The following PAN2 variants were observed in gnomAD, a reference collection of about 807,000 sequenced individuals.
The protein encoded by PAN2 is PAN2-PAN3 deadenylation complex catalytic subunit PAN2.
Under a neutral mutation model 133.3 loss-of-function variants are expected in PAN2, and 68 were observed. The ratio of observed to expected loss-of-function variants is 0.51; its 90% CI spans 0.42 to 0.62. PAN2 has a LOEUF of 0.62. Ranked by LOEUF, PAN2 falls within the 20% of genes least tolerant of loss-of-function variation. PAN2 has a pLI of 0.00. For missense variants in PAN2, 1,042 were observed against 1,500.5 expected (o/e 0.69, Z 5.05); for synonymous variants, 462 against 544.6 (o/e 0.85, Z 2.11).
chr12:56,327,037 C>G, intron 6 of PAN2, 78 bp from the exon 7 acceptor site: 1 of 1,242,200 alleles, frequency 8.1e-7, no homozygotes. Context: ...TATCCTCTTC[C>G]CCTGATTTCA....
Position 56,332,938 on chromosome 12 carries a change from C to T in PAN2, c.157G>A (p.Glu53Lys), listed in dbSNP as rs768859348. 1.2e-6 allele frequency: 2 copies of T among 1,614,196 alleles called. No individual in the cohort carries two copies. The highest frequency in any genetic ancestry group is 1.3e-5 in the African/African-American group (1 of 75,048). ...GVALEALPVQ[E>K]SVHIMEGVYS... Reference sequence around the variant, plus strand: ...ACACCTTCCATTATGTGCACTGATTCCTGGACGGGAAGAGCCTCCAAGGCC... The same window carrying T: ...ACACCTTCCATTATGTGCACTGATTTCTGGACGGGAAGAGCCTCCAAGGCC... The change falls in exon 2 of 26, where the codon GAA (glutamate) becomes AAA (lysine). Residue 53 changes from glutamate (E) to lysine (K), a missense_variant. By Grantham distance (56) the Glu-to-Lys change is moderately conservative. Coordinates refer to ENST00000440411, the MANE Select transcript of PAN2 (RefSeq NM_014871.6).
In PAN2 at chr12:56,333,108, G is replaced by C. The variant is rs1220753650; in HGVS notation, c.-14C>G. On this transcript the variant is annotated 5_prime_UTR_variant, in exon 2 of 26. Coordinates refer to ENST00000440411, the MANE Select transcript of PAN2 (RefSeq NM_014871.6). ...CTCAAAGTTCATGATGACGATGGCA[G>C]CTTACACCTGTGTCACACCCTCCCT... is the stretch of plus-strand genomic sequence containing the variant. The C allele has an allele frequency of 6.2e-7, 1 of 1,611,148 alleles. No homozygotes were observed.
At position 56,327,340 on chromosome 12, in the gene PAN2, CCCAATCCCAT is replaced by C; in HGVS notation, c.919+14_919+23del. On this transcript the variant is annotated intron_variant, in intron 6 of 25. Transcript: ENST00000440411. Reference sequence around the variant, plus strand: ...CTCCTTTGCTCATCGATCCCTCCTACCCAATCCCATATGCCCTTCATACCTGACTGAGAGA... The same window carrying C: ...CTCCTTTGCTCATCGATCCCTCCTACATGCCCTTCATACCTGACTGAGAGA... 6.2e-7 allele frequency: 1 copy of C among 1,612,688 alleles called. No individual in the cohort carries two copies. Among genetic ancestry groups the C allele is most frequent in the African/African-American group, 1.3e-5 (1 of 75,026 alleles).
Position 56,325,471 on chromosome 12 carries a change from G to A in PAN2, c.1360-17C>T. On this transcript the variant is annotated splice_polypyrimidine_tract_variant and intron_variant, in intron 8 of 25. Transcript: ENST00000440411. ...GTAGGGTATCTAGGGATTTTAGGAA[G>A]AGGTAACCTTGTTGGATGTCTTGTC... 1.2e-6 allele frequency: 2 copies of A among 1,612,906 alleles called. No individual in the cohort carries two copies. Among genetic ancestry groups the A allele is most frequent in the Non-Finnish European group, 1.7e-6 (2 of 1,179,468 alleles).
intron 20 of PAN2, 47 bp downstream of exon 20, chr12:56,322,031 C>G: frequency 1.0e-6 from 1 of 987,860 alleles, no homozygotes; most frequent in Non-Finnish European, 1.6e-6. Context: ...CACCCTGAAG[C>G]CCAATCTAAA....
chr12:56,326,508 A>T, intron 7 of PAN2, 99 bp from the exon 8 acceptor site: 1 of 1,507,422 alleles, frequency 6.6e-7, no homozygotes. Flanking sequence ...TACTGAAGGT[A>T]GACAAAAATC....
chr12:56,321,466 T>C (rs1423512529), intron 20 of PAN2, among the ~76,000 whole-genome samples: 1 of 150,304 alleles, frequency 6.7e-6, no homozygotes, highest in Admixed American at 6.6e-5. Context: ...TGAGCTCAAG[T>C]GATCTGCCCG....
intron 12 of PAN2, 52 bp downstream of exon 12, chr12:56,324,242 C>T: frequency 6.2e-7 from 1 of 1,610,960 alleles, no homozygotes; most frequent in South Asian, 1.1e-5. Flanking sequence ...CCTTTTAAAT[C>T]ACAGAGGGGC....
chr12:56,323,961 A>C, intron 13 of PAN2, 48 bp from the exon 14 acceptor site: 2 of 1,606,370 alleles, frequency 1.2e-6, no homozygotes, highest in Non-Finnish European at 1.7e-6. Context: ...CTCTACCCAC[A>C]GTTAGTCCCC....
chr12:56,317,454 T>A lies in PAN2; in HGVS notation c.*155A>T. On this transcript the variant is annotated 3_prime_UTR_variant, in exon 26 of 26. Transcript: ENST00000440411. ...GAACCTTTGCAACAATTCTGCTGTGTTCCAGTTCAATTAATAGCACCATCT... is the reference window on the plus strand; with the variant it reads ...GAACCTTTGCAACAATTCTGCTGTGATCCAGTTCAATTAATAGCACCATCT... 1.5e-6 allele frequency: 1 copy of A among 662,262 alleles called. No individual in the cohort carries two copies. The highest frequency in any genetic ancestry group is 1.8e-5 in the South Asian group (1 of 56,634). The allele number at this position is 662,262 out of a possible 1,614,324, so 41.0% of individuals were successfully genotyped here. A position where few individuals can be genotyped will look rare whatever the true frequency, so the allele number is the denominator to read the frequency against.
In PAN2 at chr12:56,319,929, G is replaced by A; in HGVS notation, c.2881C>T (p.Leu961=). Residue 961 remains leucine, a synonymous_variant, in exon 21 of 26, where the codon CTG becomes TTG. Coordinates refer to ENST00000440411, the MANE Select transcript of PAN2 (RefSeq NM_014871.6). The surrounding 1 kb of genome is among the most constrained non-coding windows in gnomAD (Gnocchi z 5.4). ...TCCCCAATCTGTGGCATCTCATTCA[G>A]CATCAGTGGAATAAAGGTAGTATGT... ...KTHTTFIPLM[L]NEMPQIGDLV... 6.2e-7 allele frequency: 1 copy of A among 1,614,204 alleles called. No homozygotes were observed. Among genetic ancestry groups the A allele is most frequent in the Non-Finnish European group, 8.5e-7 (1 of 1,180,034 alleles).
rs1410510455 is a variant in PAN2 at position 56,325,102 on chromosome 12, C to T, written c.1506G>A (p.Gly502=). ...RKVTIKYSKL[G]LEDFDFKHYN... ...AGTGTTTGAAGTCAAAGTCCTCCAG[C>T]CCTAGCTTGGAATATTTGATGGTCA... Residue 502 remains glycine, a synonymous_variant, in exon 10 of 26, where the codon GGG becomes GGA. Coordinates refer to ENST00000440411, the MANE Select transcript of PAN2 (RefSeq NM_014871.6). The T allele has an allele frequency of 1.2e-6, 2 of 1,613,870 alleles. No homozygotes were observed. The highest frequency in any genetic ancestry group is 1.7e-6 in the Non-Finnish European group (2 of 1,179,814).
At position 56,317,286 on chromosome 12, in the gene PAN2, T is replaced by A; in HGVS notation, c.*323A>T. The A allele has an allele frequency of 3.0e-6, 1 of 332,362 alleles. No individual in the cohort carries two copies. The highest frequency in any genetic ancestry group is 6.5e-5 in the East Asian group (1 of 15,324). 20.6% of individuals were successfully genotyped at this position (332,362 alleles called of 1,614,324 possible). ...CCCTAGCCAGCTAGGAACTTACAGT[T>A]ATGGTTCCAGGAGCTTCTCTGCCTG... On this transcript the variant is annotated 3_prime_UTR_variant, in exon 26 of 26. Transcript: ENST00000440411.
chr12:56,333,290 G>A (rs949652025), intron 1 of PAN2, 82 bp from the exon 2 acceptor site: 54 of 594,582 alleles, frequency 9.1e-5, no homozygotes, highest in Non-Finnish European at 1.5e-4. Context: ...GGGGCAGGAG[G>A]GAGATGAGGC....
chr12:56,330,880 C>G (rs1875758977), intron 2 of PAN2, among the ~76,000 whole-genome samples: 1 of 151,926 alleles, frequency 6.6e-6, no homozygotes, highest in Non-Finnish European at 1.5e-5. Context: ...CTCACTGCAA[C>G]CTCTGCCTCC....
At chr12:56,330,252 G>A (rs1335483626) in intron 2 of PAN2, among the ~76,000 whole-genome samples, 1 of 151,120 alleles carries the variant, frequency 6.6e-6, no homozygotes, top group African/African-American at 2.4e-5. Flanking sequence ...AGAGCCATTA[G>A]GAAAAAAGAT....
intron 10 of PAN2, 93 bp downstream of exon 10, chr12:56,324,916 G>A (rs1032533501): frequency 1.5e-5 from 23 of 1,487,474 alleles, no homozygotes; most frequent in Admixed American, 3.9e-5. Context: ...AAGAGAACAC[G>A]GCTGAGGAGA....
chr12:56,320,250 G>C (rs1204383497), intron 20 of PAN2, among the ~76,000 whole-genome samples: 4 of 152,136 alleles, frequency 2.6e-5, no homozygotes, highest in Non-Finnish European at 5.9e-5. Flanking sequence ...CCACAGAGAA[G>C]AAAGAATAAG....
chr12:56,328,026 C>A lies in PAN2; in HGVS notation c.620G>T (p.Arg207Leu), dbSNP rs1470884904. The change falls in exon 5 of 26, where the codon CGC (arginine) becomes CTC (leucine). Residue 207 changes from arginine (R) to leucine (L), a missense_variant. Arg to Leu is a moderately radical substitution (Grantham distance 102). Around this residue, in one of 3 missense-constraint regions of PAN2, gnomAD observed 908 missense variants for 1,223.5 expected, o/e 0.74. Transcript: ENST00000440411. ...PGVTIMRQTN[R>L]FFFCGHTSGK... ...AGACGTGTGGCCGCAGAAGAAGAAG[C>A]GATTTGTCTGTCTCATGATGGTGAC... The A allele has an allele frequency of 3.1e-6, 5 of 1,613,700 alleles. No individual in the cohort carries two copies. The highest frequency in any genetic ancestry group is 4.2e-6 in the Non-Finnish European group (5 of 1,179,886).
Sources: allele counts gnomAD v4.1 joint callset (sites outside exome capture counted in the v4.1 genomes callset), GRCh38; gene constraint gnomAD v4.1.1; regional missense constraint gnomAD v4.1.1; non-coding constraint Gnocchi (gnomAD v3.1); transcripts MANE v1.5; gene names NCBI Gene and HGNC (gene_info 2026-07-23, HGNC 2026-07-21).